The following KCNT1 variants were observed in gnomAD, a reference collection of about 807,000 sequenced individuals.
KCNT1 encodes potassium channel subfamily T member 1.
In KCNT1, 78 loss-of-function variants were observed where a neutral mutation model predicts 147.8. That is an observed-to-expected ratio of 0.53 (90% CI 0.44 to 0.64). The LOEUF is 0.64. KCNT1 is among the 30% of genes least tolerant of loss of function. The probability of loss-of-function intolerance (pLI) is 0.00; values close to 1 mark genes in which losing one functional copy is unlikely to be tolerated. For synonymous variants in KCNT1, 867 were observed against 748.8 expected, an observed-to-expected ratio of 1.16 and a Z score of -2.58; for missense variants, 1,419 against 1,750.3, an observed-to-expected ratio of 0.81 and a Z score of 3.38.
At chr9:135,717,158 G>A (rs574887830) in intron 2 of KCNT1, among the ~76,000 whole-genome samples, 89 of 151,810 alleles carry the variant, frequency 5.9e-4, no homozygotes, top group Non-Finnish European at 1.1e-3. Flanking sequence ...AGGAGGGAGG[G>A]GACCTGGCCC....
intron 2 of KCNT1, among the ~76,000 whole-genome samples, chr9:135,729,356 C>T (rs924484005): frequency 1.3e-5 from 2 of 152,242 alleles, no homozygotes; most frequent in Admixed American, 1.3e-4. Context: ...CCCCTGCCAG[C>T]GGCCAGCAAG....
intron 6 of KCNT1, among the ~76,000 whole-genome samples, chr9:135,756,488 G>A (rs1831488116): frequency 6.6e-6 from 1 of 152,110 alleles, no homozygotes; most frequent in African/African-American, 2.4e-5. Flanking sequence ...GTCAGTAGAT[G>A]CCTGTGCTGA....
intron 2 of KCNT1, among the ~76,000 whole-genome samples, chr9:135,723,870 C>A (rs915531538): frequency 6.6e-6 from 1 of 152,218 alleles, no homozygotes; most frequent in Non-Finnish European, 1.5e-5. Context: ...TTGAACACCC[C>A]CTCCTCCATC....
intron 24 of KCNT1, 53 bp from the exon 25 acceptor site, chr9:135,783,971 G>A: frequency 2.1e-6 from 3 of 1,427,304 alleles, no homozygotes; most frequent in Admixed American, 1.7e-5. Context: ...TGGCTGCCGT[G>A]CCACTGGAGG....
chr9:135,710,604 C>T (rs1835445682), intron 1 of KCNT1, among the ~76,000 whole-genome samples: 1 of 152,204 alleles, frequency 6.6e-6, no homozygotes, highest in South Asian at 2.1e-4. Context: ...GGTCAAGGCA[C>T]TCTGCTGTGT....
At chr9:135,767,898 G>A (rs952956347) in intron 13 of KCNT1, among the ~76,000 whole-genome samples, 40 of 152,032 alleles carry the variant, frequency 2.6e-4, no homozygotes, top group African/African-American at 8.2e-4. Flanking sequence ...ACTCAGGGCC[G>A]TGGCCAGGAG....
intron 29 of KCNT1, chr9:135,788,282 C>A: frequency 2.3e-6 from 2 of 855,246 alleles, no homozygotes; most frequent in Non-Finnish European, 3.9e-6. Flanking sequence ...AGAGCACGTC[C>A]CAGGTGTCAG....
intron 10 of KCNT1, among the ~76,000 whole-genome samples, chr9:135,759,225 C>T (rs956702483): frequency 8.5e-5 from 13 of 152,182 alleles, no homozygotes; most frequent in African/African-American, 2.7e-4. Context: ...CTGGCTGTGC[C>T]GGGCAGAGGC....
rs544575074 is a variant in KCNT1, at chr9:135,771,199, CAG to C, written c.2008+105_2008+106del. The C allele has an allele frequency of 6.5e-3, 7,046 of 1,080,630 alleles. 37 individuals carry two copies. Among genetic ancestry groups the C allele is most frequent in the Non-Finnish European group, 8.0e-3 (5,967 of 750,248 alleles). 66.9% of individuals were successfully genotyped at this position (1,080,630 alleles called of 1,614,324 possible). A position where few individuals can be genotyped will look rare whatever the true frequency, so the allele number is the denominator to read the frequency against. On this transcript the variant is annotated intron_variant, in intron 18 of 30. Transcript: ENST00000371757. Reference sequence around the variant, plus strand: ...AGGTGGGATGGGAGACCAGGCAGGACAGGGGGAGGTGACCAGGTGGGACAGGA... The same window carrying C: ...AGGTGGGATGGGAGACCAGGCAGGACGGGGAGGTGACCAGGTGGGACAGGA...
At chr9:135,713,549 T>A (rs1835590910) in intron 1 of KCNT1, among the ~76,000 whole-genome samples, 1 of 152,132 alleles carries the variant, frequency 6.6e-6, no homozygotes, top group Admixed American at 6.5e-5. Flanking sequence ...CTGGACCTGG[T>A]GTTCCAAATG....
At chr9:135,771,326 C>T (rs919862004) in intron 18 of KCNT1, among the ~76,000 whole-genome samples, 2 of 152,192 alleles carry the variant, frequency 1.3e-5, no homozygotes, top group African/African-American at 4.8e-5. Context: ...GGCAGGAGAC[C>T]AGGCCAATGT....
At chr9:135,744,777 A>T (rs1830734029) in intron 2 of KCNT1, among the ~76,000 whole-genome samples, 1 of 152,216 alleles carries the variant, frequency 6.6e-6, no homozygotes, top group African/African-American at 2.4e-5. Context: ...GCCTCACCCC[A>T]GGGGGTACAC....
rs764504563 is a variant in KCNT1, at chr9:135,750,131, C to G, written c.288C>G (p.Thr96=). 1 of 1,613,764 alleles carries G rather than the reference C, an allele frequency of 6.2e-7. No individual in the cohort carries two copies. The highest frequency in any genetic ancestry group is 1.3e-5 in the African/African-American group (1 of 74,898). ...TGGAGTTCTACGTCAACGAGAACAC[C>G]TTCAAGGAGCGGCTCAAGCTGTTCT... ...VQVEFYVNEN[T]FKERLKLFFI... The change falls in exon 3 of 31, where the codon ACC becomes ACG. Residue 96 remains threonine, a synonymous_variant. Coordinates refer to ENST00000371757, the MANE Select transcript of KCNT1 (RefSeq NM_020822.3).
At chr9:135,764,972 A>C in intron 11 of KCNT1, 59 bp from the exon 12 acceptor site, 1 of 1,543,478 alleles carries the variant, frequency 6.5e-7, no homozygotes, top group Non-Finnish European at 8.8e-7. Flanking sequence ...CAGGTTCTTC[A>C]CCGGGAGCCC....
rs56307359 is a variant in KCNT1, at chr9:135,730,990, TAAAAAAAAAA to T, written c.254+16284_254+16293del. On this transcript the variant is annotated intron_variant, in intron 2 of 30. Coordinates refer to ENST00000371757, the MANE Select transcript of KCNT1 (RefSeq NM_020822.3). The surrounding 1 kb of genome is among the most constrained non-coding windows in gnomAD (Gnocchi z 4.7). ...AACAAAGTGAGATCCCGTCTCAAGGTAAAAAAAAAAAAAAAAAAAAAAAGTGTGGTTTAGC... is the reference window on the plus strand; with the variant it reads ...AACAAAGTGAGATCCCGTCTCAAGGTAAAAAAAAAAAAAGTGTGGTTTAGC... 4.6e-3 allele frequency among the ~76,000 whole-genome samples: 398 copies of T among 85,596 alleles called. 6 individuals are homozygous for T. The highest frequency in any genetic ancestry group is 0.017 in the African/African-American group (383 of 22,080). The allele number at this position is 85,596 out of a possible 152,430, so 56.2% of individuals were successfully genotyped here.
intron 2 of KCNT1, among the ~76,000 whole-genome samples, chr9:135,726,330 C>G (rs1264463172): frequency 6.6e-6 from 1 of 151,994 alleles, no homozygotes; most frequent in Non-Finnish European, 1.5e-5. Flanking sequence ...GTCTCGGATC[C>G]CTTCCAGGGA....
chr9:135,737,747 C>T (rs1015941369), intron 2 of KCNT1, among the ~76,000 whole-genome samples: 3 of 152,184 alleles, frequency 2.0e-5, no homozygotes, highest in Non-Finnish European at 4.4e-5. Flanking sequence ...AGGAGCCTCT[C>T]CCTTACCCCT....
chr9:135,702,534 C>G (rs1386509400), intron 1 of KCNT1, among the ~76,000 whole-genome samples, 166 bp downstream of exon 1: 1 of 152,160 alleles, frequency 6.6e-6, no homozygotes, highest in Non-Finnish European at 1.5e-5. Flanking sequence ...AACAGGGGCG[C>G]CCCTCAGGGT....
Position 135,736,698 on chromosome 9 carries a change from C to T in KCNT1, c.255-13400C>T, listed in dbSNP as rs1417820730. The T allele has an allele frequency of 3.4e-5, 12 of 348,976 alleles. No homozygotes were observed. The East Asian group carries it at 5.0e-4, about 15-fold the overall frequency. The allele number at this position is 348,976 out of a possible 1,614,324, so 21.6% of individuals were successfully genotyped here. ...AGGCGGGCCCGGGGGGCGCCCCAGC[C>T]GGCGCCGCAGCCCCCGAGGAGCCTC... On this transcript the variant is annotated intron_variant, in intron 2 of 30. Transcript: ENST00000371757.
Sources: gnomAD v4.1 joint callset for allele counts (sites outside exome capture counted in the v4.1 genomes callset) on GRCh38, gnomAD v4.1.1 for gene constraint, Gnocchi (gnomAD v3.1) non-coding constraint, MANE v1.5 for transcripts, NCBI Gene and HGNC (gene_info 2026-07-23, HGNC 2026-07-21) for gene names.